The following ANK3 variants were observed in gnomAD, a reference collection of about 807,000 sequenced individuals.
ANK3 encodes ankyrin-3.
Under a neutral mutation model 370.9 loss-of-function variants are expected in ANK3, and 57 were observed. The ratio of observed to expected loss-of-function variants is 0.15; its 90% CI spans 0.12 to 0.19. The LOEUF is 0.19. ANK3 is among the 10% of genes least tolerant of loss of function. The pLI is 1.00. For synonymous variants in ANK3, 1,929 were observed against 1,946.3 expected (o/e 0.99, Z 0.23); for missense variants, 4,439 against 5,302.1 (o/e 0.84, Z 5.06).
intron 27 of ANK3, 80 bp downstream of exon 27, chr10:60,108,750 T>A (rs1022147638): frequency 2.4e-6 from 3 of 1,233,612 alleles, no homozygotes; most frequent in Admixed American, 1.9e-5. Flanking sequence ...TTTTAAGAGT[T>A]ATCTCCTTGA....
At chr10:60,583,904 T>C (rs1400956671) in intron 2 of ANK3, among the ~76,000 whole-genome samples, 1 of 152,116 alleles carries the variant, frequency 6.6e-6, no homozygotes, top group Non-Finnish European at 1.5e-5. Flanking sequence ...ATTTTAAATG[T>C]TCTTATCATA....
At position 60,073,776 on chromosome 10, in the gene ANK3, C is replaced by A. The variant is rs759636712; in HGVS notation, c.7105G>T (p.Asp2369Tyr). 3.1e-6 allele frequency: 5 copies of A among 1,613,620 alleles called. No homozygotes were observed. The highest frequency in any genetic ancestry group is 2.7e-5 in the African/African-American group (2 of 74,888). ...GGCAGAAAATCTTTTAGGTTAATAT[C>A]TCCCCGGGATAAGTCTTTCTGATAT... is the stretch of plus-strand genomic sequence containing the variant. The part of the protein sequence containing the change: ...YVYQKDLSRG[D>Y]INLKDFLPEK... The change falls in exon 37 of 44, where the codon GAT becomes TAT. Residue 2369 changes from aspartate (D) to tyrosine (Y), a missense_variant. Coordinates refer to ENST00000280772, the MANE Select transcript of ANK3 (RefSeq NM_020987.5).
intron 2 of ANK3, among the ~76,000 whole-genome samples, chr10:60,446,336 T>C (rs2064444585): frequency 6.6e-6 from 1 of 152,200 alleles, no homozygotes; most frequent in Admixed American, 6.5e-5. Flanking sequence ...CATTATGCCC[T>C]GCAAATTTAC....
rs1028697286 is a variant in ANK3 at position 60,295,123 on chromosome 10, T to C, written c.115-15484A>G. On this transcript the variant is annotated intron_variant, in intron 1 of 43. Transcript: ENST00000280772. The stretch of plus-strand genomic sequence containing the variant: ...AAAGACTCCTATTTAAGGAGCTATG[T>C]GATATGTGTTTTCTAAGTATTTGCA... Among the ~76,000 whole-genome samples the C allele has an allele frequency of 4.6e-5, 7 of 152,148 alleles. No individual in the cohort carries two copies. The South Asian group carries it at 6.2e-4, about 14-fold the overall frequency.
intron 23 of ANK3, among the ~76,000 whole-genome samples, chr10:60,160,829 G>A (rs182995818): frequency 1.6e-4 from 24 of 152,132 alleles, no homozygotes; most frequent in Admixed American, 1.6e-3. Context: ...TGCTGAAAAA[G>A]CATTCAATAA....
At chr10:60,350,805 C>T (rs899565031) in intron 1 of ANK3, among the ~76,000 whole-genome samples, 1 of 152,158 alleles carries the variant, frequency 6.6e-6, no homozygotes, top group African/African-American at 2.4e-5. Context: ...GTCTCAGCAG[C>T]CCCTGGCTCA....
intron 2 of ANK3, among the ~76,000 whole-genome samples, chr10:60,558,050 A>T (rs1364286069): frequency 6.6e-6 from 1 of 152,190 alleles, no homozygotes; most frequent in Non-Finnish European, 1.5e-5. Context: ...GCAACTACAA[A>T]GAAGAGGTTC....
At chr10:60,126,134 G>T (rs12761450) in intron 25 of ANK3, among the ~76,000 whole-genome samples, 48,705 of 151,944 alleles carry the variant, frequency 0.32, 8,685 homozygotes, top group Non-Finnish European at 0.41. Flanking sequence ...GTCTAGTTAA[G>T]TCTTCTAAAC....
At chr10:60,441,588 T>A (rs1327425762) in intron 2 of ANK3, among the ~76,000 whole-genome samples, 1 of 152,182 alleles carries the variant, frequency 6.6e-6, no homozygotes, top group Non-Finnish European at 1.5e-5. Context: ...AAAATCTGTT[T>A]CATGCTTAAA....
chr10:60,186,818 G>A lies in ANK3; in HGVS notation c.1982C>T (p.Thr661Ile). Residue 661 changes from threonine to isoleucine, a missense_variant, in exon 17 of 44, where the codon ACC (threonine) becomes ATC (isoleucine). By Grantham distance (89) the Thr-to-Ile change is moderately conservative. This residue lies in a region of ANK3 where 192 missense variants were observed against 192.1 expected (regional missense o/e 1.00). Coordinates refer to ENST00000280772, the MANE Select transcript of ANK3 (RefSeq NM_020987.5). ...LEYGADANAVTRQGIASVHLA... is the reference protein window; with the variant it reads ...LEYGADANAVIRQGIASVHLA... Reference sequence around the variant, plus strand: ...ATGGACGGAAGCAATTCCTTGCCGGGTAACTGCGTTGGCATCAGCACCATA... The same window carrying A: ...ATGGACGGAAGCAATTCCTTGCCGGATAACTGCGTTGGCATCAGCACCATA... 6.2e-7 allele frequency: 1 copy of A among 1,614,166 alleles called. No homozygotes were observed. Among genetic ancestry groups the A allele is most frequent in the Non-Finnish European group, 8.5e-7 (1 of 1,180,024 alleles).
chr10:60,126,456 C>T (rs949560982), intron 25 of ANK3, among the ~76,000 whole-genome samples: 3 of 152,162 alleles, frequency 2.0e-5, no homozygotes, highest in South Asian at 2.1e-4. Flanking sequence ...GAGGCAGAGG[C>T]GGGTGGATCA....
intron 7 of ANK3, among the ~76,000 whole-genome samples, chr10:60,244,986 G>A (rs1470184212): frequency 1.3e-5 from 2 of 152,234 alleles, no homozygotes; most frequent in South Asian, 2.1e-4. Context: ...TGGCTAACAC[G>A]GTGAAACCCC....
intron 1 of ANK3, among the ~76,000 whole-genome samples, chr10:60,673,829 G>C (rs997432248): frequency 6.6e-6 from 1 of 152,164 alleles, no homozygotes; most frequent in Non-Finnish European, 1.5e-5. Flanking sequence ...TACAATGGGG[G>C]AAGGAAGAAT....
Position 60,059,407 on chromosome 10 carries a change from C to T in ANK3, c.12619G>A (p.Gly4207Arg), listed in dbSNP as rs890820154. ...GCTTGAGCGCAGGACTCTAGGTTTC[C>T]ACTTGATGTCTCATTCTGCCAACCT... The part of the protein sequence containing the change: ...VDGWQNETSS[G>R]NLESCAQARR... Residue 4207 changes from glycine (G) to arginine (R), a missense_variant, in exon 41 of 44, where the codon GGA becomes AGA. Gly to Arg is a moderately radical substitution (Grantham distance 125). Transcript: ENST00000280772. 6 of 1,614,078 alleles carry T rather than the reference C, an allele frequency of 3.7e-6. No homozygotes were observed. Among genetic ancestry groups the T allele is most frequent in the Non-Finnish European group, 5.1e-6 (6 of 1,179,994 alleles).
At chr10:60,062,065 A>T (rs2131938954) in intron 40 of ANK3, 1 of 152,310 alleles carries the variant, frequency 6.6e-6, no homozygotes, top group Admixed American at 6.5e-5. Context: ...CAAGAGTTCG[A>T]GACCAGCCTG....
chr10:60,240,307 T>TATATATATA (rs1491120014), intron 7 of ANK3, among the ~76,000 whole-genome samples: 2 of 48,356 alleles, frequency 4.1e-5, no homozygotes, highest in East Asian at 8.7e-4. Flanking sequence ...TATATATATA[T>TATATATATA]TTTTTTTTCT....
chr10:60,064,588 G>A (rs1229208278), intron 38 of ANK3, among the ~76,000 whole-genome samples: 1 of 152,054 alleles, frequency 6.6e-6, no homozygotes, highest in Non-Finnish European at 1.5e-5. Flanking sequence ...AGCACTTCAG[G>A]AGGCTGAGGC....
At chr10:60,223,077 T>C (rs890064076) in intron 8 of ANK3, among the ~76,000 whole-genome samples, 2 of 152,228 alleles carry the variant, frequency 1.3e-5, no homozygotes, top group Non-Finnish European at 2.9e-5. Context: ...CTTTTGGCTT[T>C]CCATATGTTA....
intron 1 of ANK3, among the ~76,000 whole-genome samples, chr10:60,643,348 C>T (rs2078661480): frequency 6.6e-6 from 1 of 152,152 alleles, no homozygotes; most frequent in African/African-American, 2.4e-5. Flanking sequence ...TCCCAGCCTA[C>T]ATCTTTCTCC....
Sources: allele counts gnomAD v4.1 joint callset (sites outside exome capture counted in the v4.1 genomes callset), GRCh38; gene constraint gnomAD v4.1.1; regional missense constraint gnomAD v4.1.1; transcripts MANE v1.5; gene names NCBI Gene and HGNC (gene_info 2026-07-23, HGNC 2026-07-21).